DLG2: variants seen among roughly 807,000 people sequenced by gnomAD.
DLG2 encodes the protein discs large MAGUK scaffold protein 2.
DLG2 carries 45 observed loss-of-function variants against 132.5 expected under a neutral mutation model. The observed-to-expected ratio is 0.34, with a 90% CI of 0.27 to 0.44. DLG2 has a LOEUF of 0.44. Ranked by LOEUF, DLG2 falls within the 20% of genes least tolerant of loss-of-function variation. The pLI is 1.00. For synonymous variants in DLG2, 424 were observed against 419.6 expected, an observed-to-expected ratio of 1.01 and a Z score of -0.13; for missense variants, 1,045 against 1,196.9, an observed-to-expected ratio of 0.87 and a Z score of 1.87.
At chr11:83,701,952 T>C (rs2083026498) in intron 18 of DLG2, among the ~76,000 whole-genome samples, 1 of 152,348 alleles carries the variant, frequency 6.6e-6, no homozygotes, top group Non-Finnish European at 1.5e-5. Context: ...AGTTGAGAGA[T>C]AGTCAGCATT....
intron 3 of DLG2, among the ~76,000 whole-genome samples, chr11:85,572,913 G>A (rs1182827965): frequency 6.6e-6 from 1 of 152,236 alleles, no homozygotes; most frequent in Non-Finnish European, 1.5e-5. Flanking sequence ...GGTAGGGACT[G>A]ATGGAAGGTA....
At chr11:83,817,606 G>A (rs1486200359) in intron 17 of DLG2, among the ~76,000 whole-genome samples, 1 of 152,124 alleles carries the variant, frequency 6.6e-6, no homozygotes, top group Non-Finnish European at 1.5e-5. Context: ...TGGGTGAGGT[G>A]GTTCACACCT....
chr11:84,330,751 C>T (rs891590699), intron 7 of DLG2, among the ~76,000 whole-genome samples: 6 of 152,166 alleles, frequency 3.9e-5, no homozygotes, highest in African/African-American at 1.4e-4. Flanking sequence ...AACCAGAATT[C>T]AAACCTCAGT....
chr11:85,461,762 C>T (rs1210995650), intron 3 of DLG2, among the ~76,000 whole-genome samples: 1 of 151,880 alleles, frequency 6.6e-6, no homozygotes, highest in African/African-American at 2.4e-5. Flanking sequence ...CTATTATGGA[C>T]TGAATAAAGT....
chr11:84,931,192 T>C (rs1591467741), intron 6 of DLG2, among the ~76,000 whole-genome samples: 2 of 152,062 alleles, frequency 1.3e-5, no homozygotes, highest in East Asian at 3.8e-4. Context: ...GGGGTTCATG[T>C]TGAGGTTTGT....
chr11:83,548,819 A>G (rs2096304136), intron 19 of DLG2, among the ~76,000 whole-genome samples: 1 of 152,192 alleles, frequency 6.6e-6, no homozygotes, highest in South Asian at 2.1e-4. Flanking sequence ...TTCCTTCTCT[A>G]AAATTGCAAA....
At chr11:83,854,405 AT>A (rs2060207009) in intron 16 of DLG2, among the ~76,000 whole-genome samples, 1 of 152,164 alleles carries the variant, frequency 6.6e-6, no homozygotes, top group South Asian at 2.1e-4. Flanking sequence ...TAGCAAGCAA[AT>A]ATTGAAAGAA....
chr11:85,030,743 A>T (rs1366508505), intron 6 of DLG2, among the ~76,000 whole-genome samples: 1 of 152,080 alleles, frequency 6.6e-6, no homozygotes. Context: ...GTACTTGGTG[A>T]CTTTATTTTC....
intron 15 of DLG2, among the ~76,000 whole-genome samples, chr11:83,906,262 C>CAG (rs2074879816): frequency 9.3e-5 from 1 of 10,736 alleles, no homozygotes; most frequent in Admixed American, 7.4e-4. Context: ...CTCTCTCACA[C>CAG]ACACACACAC....
chr11:84,657,682 A>G (rs2099689877), intron 6 of DLG2, among the ~76,000 whole-genome samples: 1 of 152,186 alleles, frequency 6.6e-6, no homozygotes, highest in Non-Finnish European at 1.5e-5. Flanking sequence ...TTAATCTGAC[A>G]GGAAGTAGAG....
At chr11:83,925,923 T>C (rs2078892391) in intron 15 of DLG2, among the ~76,000 whole-genome samples, 1 of 152,088 alleles carries the variant, frequency 6.6e-6, no homozygotes. Context: ...AAAAGAGATG[T>C]ACTAGATAAG....
At chr11:84,644,434 C>T (rs1046682991) in intron 6 of DLG2, among the ~76,000 whole-genome samples, 38 of 152,046 alleles carry the variant, frequency 2.5e-4, no homozygotes, top group Non-Finnish European at 4.0e-4. Flanking sequence ...AGGCCGGGCG[C>T]GGTGGCTCAC....
chr11:84,731,378 G>C lies in DLG2; in HGVS notation c.358-196647C>G, dbSNP rs1384843660. 3.3e-5 allele frequency among the ~76,000 whole-genome samples: 5 copies of C among 152,104 alleles called. No homozygotes were observed. In the East Asian group the frequency reaches 9.7e-4, roughly 29 times the overall value. On this transcript the variant is annotated intron_variant, in intron 6 of 27. Coordinates refer to ENST00000376104, the MANE Select transcript of DLG2 (RefSeq NM_001142699.3). ...ATGGAGATTACAAACCAATGGAGAA[G>C]GCAGATGGGGATAAGTGCTTCGAGG...
intron 6 of DLG2, among the ~76,000 whole-genome samples, chr11:85,024,043 T>C (rs2060305150): frequency 6.6e-6 from 1 of 152,136 alleles, no homozygotes; most frequent in Non-Finnish European, 1.5e-5. Flanking sequence ...ACAAAATATG[T>C]ATATATACAC....
chr11:83,611,444 A>G (rs1306457687), intron 19 of DLG2, among the ~76,000 whole-genome samples: 1 of 152,194 alleles, frequency 6.6e-6, no homozygotes, highest in Non-Finnish European at 1.5e-5. Context: ...AGCATGCTAT[A>G]GAAAACAAAC....
At chr11:83,568,185 G>A (rs1286696041) in intron 19 of DLG2, among the ~76,000 whole-genome samples, 8 of 152,088 alleles carry the variant, frequency 5.3e-5, no homozygotes. Context: ...TAGTAGCCAT[G>A]GGGATGAGTA....
chr11:84,284,701 C>G (rs528559530), intron 7 of DLG2, among the ~76,000 whole-genome samples: 5 of 152,248 alleles, frequency 3.3e-5, no homozygotes, highest in African/African-American at 1.2e-4. Flanking sequence ...CATCTTCTTC[C>G]CCATCTAGAG....
intron 19 of DLG2, among the ~76,000 whole-genome samples, chr11:83,551,741 T>C (rs2096396023): frequency 6.6e-6 from 1 of 152,194 alleles, no homozygotes; most frequent in Admixed American, 6.5e-5. Context: ...AGAGGACATA[T>C]GGTTCCTTAC....
At chr11:83,658,706 T>A (rs964570550) in intron 18 of DLG2, among the ~76,000 whole-genome samples, 10 of 152,324 alleles carry the variant, frequency 6.6e-5, no homozygotes, top group African/African-American at 2.2e-4. Flanking sequence ...CTTGGAAAAA[T>A]AGCTTATCTT....
Sources: allele counts gnomAD v4.1 joint callset (sites outside exome capture counted in the v4.1 genomes callset), GRCh38; gene constraint gnomAD v4.1.1; transcripts MANE v1.5; gene names NCBI Gene and HGNC (gene_info 2026-07-23, HGNC 2026-07-21).